PCDHGB4: variants seen among roughly 807,000 people sequenced by gnomAD.
The protein encoded by PCDHGB4 is protocadherin gamma-B4.
In PCDHGB4, 38 loss-of-function variants were observed where a neutral mutation model predicts 60.5. That is an observed-to-expected ratio of 0.63 (90% CI 0.48 to 0.82). The LOEUF (loss-of-function observed/expected upper bound fraction) is 0.82. PCDHGB4 is among the 40% of genes least tolerant of loss of function. PCDHGB4 has a pLI of 0.00. For synonymous variants in PCDHGB4, 456 were observed against 509.7 expected (o/e 0.89, Z 1.42); for missense variants, 1,109 against 1,209.6 (o/e 0.92, Z 1.23).
Position 141,422,340 on chromosome 5 carries a change from T to C in PCDHGB4, c.2397+32059T>C, listed in dbSNP as rs776306472. ...CAGGTACAGTGATTGCTCTTCTAAA[T>C]GTGCAAGATCAAGATTCTGGAGAAA... On this transcript the variant is annotated intron_variant, in intron 1 of 3. Transcript: ENST00000519479. 2.6e-6 allele frequency: 4 copies of C among 1,550,190 alleles called. 1 individual carries two copies. Among genetic ancestry groups the C allele is most frequent in the Non-Finnish European group, 3.5e-6 (4 of 1,154,238 alleles).
chr5:141,422,594 C>G, intron 1 of PCDHGB4: 1 of 1,614,090 alleles, frequency 6.2e-7, no homozygotes, highest in Non-Finnish European at 8.5e-7. Flanking sequence ...TTTCCTCACT[C>G]CTCTTACTCT....
chr5:141,399,812 C>T (rs1561672586), intron 1 of PCDHGB4: 1 of 1,613,222 alleles, frequency 6.2e-7, no homozygotes, highest in South Asian at 1.1e-5. Context: ...CTGTACCCCG[C>T]GCTGGGTCCC....
rs747585516 is a variant in PCDHGB4, at chr5:141,409,120, A to G, written c.2397+18839A>G. ...CAGGTATGATTAAGAATAACCAGTC[A>G]TTTGATTTTGAAGATGTAGAAAGGT... On this transcript the variant is annotated intron_variant, in intron 1 of 3. Transcript: ENST00000519479. 6 of 1,613,844 alleles carry G rather than the reference A, an allele frequency of 3.7e-6. No homozygotes were observed. The African/African-American group carries it at 8.0e-5, about 22-fold the overall frequency.
At chr5:141,421,146 C>T in intron 1 of PCDHGB4, 1 of 1,015,090 alleles carries the variant, frequency 9.9e-7, no homozygotes, top group Non-Finnish European at 1.4e-6. Flanking sequence ...TGGATGTAGT[C>T]GGCCTAGGAC....
At position 141,447,650 on chromosome 5, in the gene PCDHGB4, T is replaced by C. The variant is rs555134653; in HGVS notation, c.2398-47157T>C. Reference sequence around the variant, plus strand: ...AACAGTATGAATGATGGTAGAATTTTCCCCCCCAGGAAGTTAGAACTGTTC... The same window carrying C: ...AACAGTATGAATGATGGTAGAATTTCCCCCCCCAGGAAGTTAGAACTGTTC... On this transcript the variant is annotated intron_variant, in intron 1 of 3. Transcript: ENST00000519479. Among the ~76,000 whole-genome samples, 24 of 152,106 alleles carry C rather than the reference T, an allele frequency of 1.6e-4. No homozygotes were observed. The South Asian group carries it at 2.3e-3, about 15-fold the overall frequency.
intron 1 of PCDHGB4, among the ~76,000 whole-genome samples, chr5:141,454,657 C>T (rs554561906): frequency 5.1e-4 from 77 of 152,192 alleles, no homozygotes; most frequent in African/African-American, 1.7e-3. Flanking sequence ...CTGCCCACCT[C>T]GGCCTCCCAA....
At position 141,389,861 on chromosome 5, in the gene PCDHGB4, C is replaced by T; in HGVS notation, c.1977C>T (p.His659=). The change falls in exon 1 of 4, where the codon CAC becomes CAT. Residue 659 remains histidine, a synonymous_variant. Transcript: ENST00000519479. Reference sequence around the variant, plus strand: ...CACTCTCGGCCACTGCCACGTTGCACCTGGTCTTCGCCGACAGCTTGCAGG... The same window carrying T: ...CACTCTCGGCCACTGCCACGTTGCATCTGGTCTTCGCCGACAGCTTGCAGG... ...QPPLSATATL[H]LVFADSLQEV... 1 of 1,614,062 alleles carries T rather than the reference C, an allele frequency of 6.2e-7. No homozygotes were observed. Among genetic ancestry groups the T allele is most frequent in the South Asian group, 1.1e-5 (1 of 91,082 alleles).
At chr5:141,470,838 C>T (rs142581300) in intron 1 of PCDHGB4, among the ~76,000 whole-genome samples, 5 of 152,222 alleles carry the variant, frequency 3.3e-5, no homozygotes, top group African/African-American at 7.2e-5. Flanking sequence ...CAAACACACG[C>T]CACCATGCTC....
At position 141,388,386 on chromosome 5, in the gene PCDHGB4, C is replaced by G; in HGVS notation, c.502C>G (p.Gln168Glu). Reference protein sequence around the residue: ...HDADIGSNTLQNYQLSPSDHF... With the variant: ...HDADIGSNTLENYQLSPSDHF... Reference sequence around the variant, plus strand: ...TGCGGATATTGGTAGCAACACACTGCAGAATTACCAACTCAGTCCCAGTGA... The same window carrying G: ...TGCGGATATTGGTAGCAACACACTGGAGAATTACCAACTCAGTCCCAGTGA... The change falls in exon 1 of 4, where the codon CAG (glutamine) becomes GAG (glutamate). Residue 168 changes from glutamine to glutamate, a missense_variant. Physicochemically the swap from Gln to Glu is conservative, Grantham distance 29. Coordinates refer to ENST00000519479, the MANE Select transcript of PCDHGB4 (RefSeq NM_003736.4). The G allele has an allele frequency of 6.2e-7, 1 of 1,613,944 alleles. No individual in the cohort carries two copies. Among genetic ancestry groups the G allele is most frequent in the Non-Finnish European group, 8.5e-7 (1 of 1,179,886 alleles).
At position 141,505,451 on chromosome 5, in the gene PCDHGB4, C is replaced by T. The variant is rs1350424069; in HGVS notation, c.2515C>T (p.Leu839=). Residue 839 remains leucine (L), a synonymous_variant, in exon 3 of 4, where the codon CTG becomes TTG. Transcript: ENST00000519479. The part of the protein sequence containing the change: ...WPNNQFDTEM[L]QAMILASASE... ...CAACAACCAGTTTGACACAGAGATG[C>T]TGCAAGCCATGATCTTGGCGTCCGC... The T allele has an allele frequency of 1.2e-6, 2 of 1,614,222 alleles. No individual in the cohort carries two copies. The highest frequency in any genetic ancestry group is 1.7e-6 in the Non-Finnish European group (2 of 1,180,048).
chr5:141,486,645 C>T lies in PCDHGB4; in HGVS notation c.2398-8162C>T, dbSNP rs369948556. ...GACTCTGGCTTGAATGCGCTTATCT[C>T]CTACTCACTCCTGGAGCCCAGGAAT... On this transcript the variant is annotated intron_variant, in intron 1 of 3. Coordinates refer to ENST00000519479, the MANE Select transcript of PCDHGB4 (RefSeq NM_003736.4). This position sits in a 1 kb window ranked among gnomAD's most constrained non-coding sequence, Gnocchi z 5.0. 1.9e-6 allele frequency: 3 copies of T among 1,613,752 alleles called. No individual in the cohort carries two copies. The highest frequency in any genetic ancestry group is 2.2e-5 in the East Asian group (1 of 44,896).
rs1206206519 is a variant in PCDHGB4 at position 141,432,127 on chromosome 5, C to G, written c.2397+41846C>G. ...ACCCGCCGGTCTTCCCTCAGGCCTC[C>G]TATTCCGCTTATATCCCAGAGAACA... On this transcript the variant is annotated intron_variant, in intron 1 of 3. Coordinates refer to ENST00000519479, the MANE Select transcript of PCDHGB4 (RefSeq NM_003736.4). The surrounding 1 kb of genome is among the most constrained non-coding windows in gnomAD (Gnocchi z 6.0). The G allele has an allele frequency of 6.8e-6, 11 of 1,614,160 alleles. No homozygotes were observed. The highest frequency in any genetic ancestry group is 8.5e-6 in the Non-Finnish European group (10 of 1,180,032).
chr5:141,399,412 T>C (rs1473017519), intron 1 of PCDHGB4: 3 of 1,613,948 alleles, frequency 1.9e-6, no homozygotes, highest in East Asian at 4.5e-5. Context: ...GCCGCCCCTC[T>C]CCTCCAGCAT....
At position 141,476,716 on chromosome 5, in the gene PCDHGB4, C is replaced by G; in HGVS notation, c.2398-18091C>G. The G allele has an allele frequency of 6.2e-7, 1 of 1,614,148 alleles. No individual in the cohort carries two copies. On this transcript the variant is annotated intron_variant, in intron 1 of 3. Transcript: ENST00000519479. The surrounding 1 kb of genome is among the most constrained non-coding windows in gnomAD (Gnocchi z 7.6). The stretch of plus-strand genomic sequence containing the variant: ...AGTACGCGGAGCTGGTGTTGGAGCG[C>G]GCCCTGGACCGAGAACGGGAGCCTA...
rs768985461 is a variant in PCDHGB4, at chr5:141,403,714, C to T, written c.2397+13433C>T. ...TTTACCGAGTTAAAGTCCTTGAGAA[C>T]GTGCCCCCAGGCACCTGGCTGCTTA... On this transcript the variant is annotated intron_variant, in intron 1 of 3. Transcript: ENST00000519479. 10 of 1,613,792 alleles carry T rather than the reference C, an allele frequency of 6.2e-6. No homozygotes were observed. In the South Asian group the frequency reaches 6.6e-5, roughly 11 times the overall value.
chr5:141,486,940 A>T lies in PCDHGB4; in HGVS notation c.2398-7867A>T. ...CTCCATCAGTTGGTGCTGGCCACCTAATCACAAAGGTGACTGCTGTGGACT... is the reference window on the plus strand; with the variant it reads ...CTCCATCAGTTGGTGCTGGCCACCTTATCACAAAGGTGACTGCTGTGGACT... On this transcript the variant is annotated intron_variant, in intron 1 of 3. Coordinates refer to ENST00000519479, the MANE Select transcript of PCDHGB4 (RefSeq NM_003736.4). This position sits in a 1 kb window ranked among gnomAD's most constrained non-coding sequence, Gnocchi z 5.0. 6.2e-7 allele frequency: 1 copy of T among 1,614,188 alleles called. No homozygotes were observed. Among genetic ancestry groups the T allele is most frequent in the Non-Finnish European group, 8.5e-7 (1 of 1,180,032 alleles).
intron 1 of PCDHGB4, among the ~76,000 whole-genome samples, chr5:141,425,459 C>A (rs2096876834): frequency 6.6e-6 from 1 of 152,200 alleles, no homozygotes; most frequent in African/African-American, 2.4e-5. Flanking sequence ...CATCACATTT[C>A]ATGTTATTAA....
chr5:141,408,390 C>T (rs375719639), intron 1 of PCDHGB4: 1 of 1,613,902 alleles, frequency 6.2e-7, no homozygotes, highest in East Asian at 2.2e-5. Context: ...GATGTGTCGG[C>T]TCGCAAGCTG....
chr5:141,497,032 T>C (rs1206131945), intron 2 of PCDHGB4, among the ~76,000 whole-genome samples: 1 of 151,652 alleles, frequency 6.6e-6, no homozygotes, highest in East Asian at 1.9e-4. Flanking sequence ...CGATTAAAAA[T>C]ACAAAAATTA....
Sources: gnomAD v4.1 joint callset for allele counts (sites outside exome capture counted in the v4.1 genomes callset) on GRCh38, gnomAD v4.1.1 for gene constraint, Gnocchi (gnomAD v3.1) non-coding constraint, MANE v1.5 for transcripts, NCBI Gene and HGNC (gene_info 2026-07-23, HGNC 2026-07-21) for gene names.